The following NECAB2 variants were observed in gnomAD, a reference collection of about 807,000 sequenced individuals.
NECAB2 encodes N-terminal EF-hand calcium binding protein 2, also known as N-terminal EF-hand calcium-binding protein 2.
Under a neutral mutation model 51.9 loss-of-function variants are expected in NECAB2, and 68 were observed. The observed-to-expected ratio is 1.31, with a 90% CI of 1.08 to 1.60. The LOEUF is 1.60. NECAB2 is among the 40% of genes most tolerant of loss of function. The probability of loss-of-function intolerance (pLI) is 0.00; values close to 1 mark genes in which losing one functional copy is unlikely to be tolerated. For synonymous variants in NECAB2, 329 were observed against 203.5 expected, an observed-to-expected ratio of 1.62 and a Z score of -5.25; for missense variants, 854 against 490.3, an observed-to-expected ratio of 1.74 and a Z score of -7.00.
intron 5 of NECAB2, among the ~76,000 whole-genome samples, chr16:83,988,435 G>A (rs2084581454): frequency 6.6e-6 from 1 of 151,430 alleles, no homozygotes; most frequent in Non-Finnish European, 1.5e-5. Flanking sequence ...CTTCCCTTTG[G>A]GAATAAAAAT....
intron 5 of NECAB2, among the ~76,000 whole-genome samples, chr16:83,985,856 A>G (rs948450022): frequency 1.3e-5 from 2 of 152,072 alleles, no homozygotes; most frequent in African/African-American, 2.4e-5. Context: ...CTACCTCATG[A>G]ATGCTTAAGA....
chr16:83,998,632 G>T (rs1378492708), intron 10 of NECAB2, among the ~76,000 whole-genome samples: 1 of 152,228 alleles, frequency 6.6e-6, no homozygotes, highest in Non-Finnish European at 1.5e-5. Flanking sequence ...AAGGGCTCCA[G>T]CTGGGCCTGG....
intron 2 of NECAB2, among the ~76,000 whole-genome samples, chr16:83,975,519 C>T (rs1168957331): frequency 1.3e-5 from 2 of 152,130 alleles, no homozygotes; most frequent in African/African-American, 2.4e-5. Context: ...AAAGGACCCC[C>T]CAGGCTGCCC....
At chr16:84,002,236 C>G in intron 12 of NECAB2, 82 bp from the exon 13 acceptor site, 2 of 1,527,606 alleles carry the variant, frequency 1.3e-6, no homozygotes, top group Non-Finnish European at 1.8e-6. Flanking sequence ...ATCCCCCGAC[C>G]TGTCATTCAA....
intron 9 of NECAB2, among the ~76,000 whole-genome samples, chr16:83,997,924 C>G (rs767403016): frequency 7.4e-4 from 112 of 152,184 alleles, no homozygotes; most frequent in African/African-American, 2.6e-3. Context: ...GTCTCCAGGC[C>G]CTGGAGGCTG....
chr16:84,001,913 C>T lies in NECAB2; in HGVS notation c.1129C>T (p.Pro377Ser), dbSNP rs1448297432. 4 of 1,613,850 alleles carry T rather than the reference C, an allele frequency of 2.5e-6. No homozygotes were observed. The highest frequency in any genetic ancestry group is 4.5e-5 in the East Asian group (2 of 44,878). Residue 377 changes from proline to serine, a missense_variant, in exon 12 of 13, where the codon CCA becomes TCA. Pro to Ser is a moderately conservative substitution (Grantham distance 74, BLOSUM62 -1). Coordinates refer to ENST00000305202, the MANE Select transcript of NECAB2 (RefSeq NM_019065.3). Reference sequence around the variant, plus strand: ...TGAGGCCCTCTCCAGGATCTTGGTGCCAGGTAGGGGGCAAAGGCCTGGAAC... The same window carrying T: ...TGAGGCCCTCTCCAGGATCTTGGTGTCAGGTAGGGGGCAAAGGCCTGGAAC... ...QPEALSRILV[P>S]AAWCTVGRD
In NECAB2 at chr16:83,994,765, C is replaced by T. The variant is rs1463968323; in HGVS notation, c.795+77C>T. 3 of 1,526,008 alleles carry T rather than the reference C, an allele frequency of 2.0e-6. No homozygotes were observed. The African/African-American group carries it at 4.1e-5, about 21-fold the overall frequency. 94.5% of individuals were successfully genotyped at this position (1,526,008 alleles called of 1,614,324 possible). Reference sequence around the variant, plus strand: ...GCAGAGTTAAGCCTGGAGTTCAGGACAAAAGTCTGGGCTGCAGAGGGGCCA... The same window carrying T: ...GCAGAGTTAAGCCTGGAGTTCAGGATAAAAGTCTGGGCTGCAGAGGGGCCA... On this transcript the variant is annotated intron_variant, in intron 8 of 12. Coordinates refer to ENST00000305202, the MANE Select transcript of NECAB2 (RefSeq NM_019065.3).
chr16:84,001,451 C>T (rs143898199), intron 11 of NECAB2, among the ~76,000 whole-genome samples: 7 of 152,266 alleles, frequency 4.6e-5, no homozygotes, highest in Admixed American at 6.5e-5. Context: ...AGTGTCCCCT[C>T]CCTGTCCGTA....
chr16:83,981,101 C>A lies in NECAB2; in HGVS notation c.433C>A (p.Leu145Met), dbSNP rs746692348. ...ASLETLNHSV[L>M]KAMGYTKKVY... Reference sequence around the variant, plus strand: ...CCTGGAGACCTTGAATCACTCTGTCCTGAAGGCCATGGGTTATACCAAGAA... The same window carrying A: ...CCTGGAGACCTTGAATCACTCTGTCATGAAGGCCATGGGTTATACCAAGAA... The change falls in exon 5 of 13, where the codon CTG becomes ATG. Residue 145 changes from leucine to methionine, a missense_variant. Leu to Met is a conservative substitution (Grantham distance 15, BLOSUM62 2). Coordinates refer to ENST00000305202, the MANE Select transcript of NECAB2 (RefSeq NM_019065.3). 6.2e-7 allele frequency: 1 copy of A among 1,614,168 alleles called. No individual in the cohort carries two copies. Among genetic ancestry groups the A allele is most frequent in the South Asian group, 1.1e-5 (1 of 91,090 alleles).
intron 6 of NECAB2, chr16:83,993,571 T>C (rs72793623): frequency 0.079 from 12,173 of 154,094 alleles, 1,120 homozygotes; most frequent in African/African-American, 0.23. Context: ...TGGTCATTCA[T>C]TGAGCATTTT....
At chr16:83,979,686 G>C (rs937309555) in intron 3 of NECAB2, among the ~76,000 whole-genome samples, 2 of 152,014 alleles carry the variant, frequency 1.3e-5, no homozygotes. Context: ...GGGTAGAGGA[G>C]GGGGTGGAGG....
chr16:84,000,401 T>A (rs67889913), intron 10 of NECAB2, among the ~76,000 whole-genome samples: 35,941 of 152,038 alleles, frequency 0.24, 9,139 homozygotes, highest in African/African-American at 0.65. Flanking sequence ...AGTGGTGCAC[T>A]CCTCTAGTCC....
chr16:84,002,536 T>G lies in NECAB2; in HGVS notation c.*190T>G. On this transcript the variant is annotated 3_prime_UTR_variant, in exon 13 of 13. Transcript: ENST00000305202. ...ACCTGAGAAGGCAGAGCAGTGTCTG[T>G]GCTGCCAGGTCCTGGTGAAGCCCAA... 1.4e-6 allele frequency: 1 copy of G among 716,478 alleles called. No homozygotes were observed. Among genetic ancestry groups the G allele is most frequent in the Admixed American group, 2.5e-5 (1 of 39,512 alleles). The allele number at this position is 716,478 out of a possible 1,614,324, so 44.4% of individuals were successfully genotyped here. A position where few individuals can be genotyped will look rare whatever the true frequency, so the allele number is the denominator to read the frequency against.
chr16:84,001,807 C>T lies in NECAB2; in HGVS notation c.1041-18C>T, dbSNP rs755888382. 4 of 1,613,694 alleles carry T rather than the reference C, an allele frequency of 2.5e-6. No homozygotes were observed. The highest frequency in any genetic ancestry group is 1.1e-5 in the South Asian group (1 of 91,062). ...CCACTCCTGCCACCCCTGACTCACA[C>T]ATGTCCCTGCGTCACAGGCACCTGC... is the stretch of plus-strand genomic sequence containing the variant. On this transcript the variant is annotated intron_variant, in intron 11 of 12. Coordinates refer to ENST00000305202, the MANE Select transcript of NECAB2 (RefSeq NM_019065.3).
At chr16:83,994,941 C>A (rs767574120) in intron 8 of NECAB2, among the ~76,000 whole-genome samples, 6 of 152,150 alleles carry the variant, frequency 3.9e-5, no homozygotes, top group Non-Finnish European at 8.8e-5. Flanking sequence ...GGCCTGCAGG[C>A]AGCAGGAGCA....
At chr16:83,999,125 C>A (rs553093708) in intron 10 of NECAB2, among the ~76,000 whole-genome samples, 5 of 152,306 alleles carry the variant, frequency 3.3e-5, no homozygotes, top group African/African-American at 9.6e-5. Context: ...TGAGAGGGGT[C>A]TTCTTGGGCC....
chr16:83,997,154 C>A (rs1297752894), intron 8 of NECAB2, 62 bp from the exon 9 acceptor site: 7 of 1,606,946 alleles, frequency 4.4e-6, no homozygotes, highest in African/African-American at 1.3e-5. Flanking sequence ...CCCAGAGCTC[C>A]TGGCTCCCCG....
At chr16:83,990,183 C>T (rs968539630) in intron 5 of NECAB2, among the ~76,000 whole-genome samples, 15 of 152,320 alleles carry the variant, frequency 9.8e-5, no homozygotes, top group African/African-American at 3.1e-4. Flanking sequence ...GAGCATTGTA[C>T]ACGCATGTTG....
rs545679618 is a variant in NECAB2, at chr16:83,971,994, T to C, written c.202-157T>C. 5 of 979,726 alleles carry C rather than the reference T, an allele frequency of 5.1e-6. No homozygotes were observed. The African/African-American group carries it at 8.2e-5, about 16-fold the overall frequency. The allele number at this position is 979,726 out of a possible 1,614,324, so 60.7% of individuals were successfully genotyped here. ...ACATCCCTCATCAGTTCCCCCTGGATCCCAGCCCGGGGAGGGGGAGAGGGA... is the reference window on the plus strand; with the variant it reads ...ACATCCCTCATCAGTTCCCCCTGGACCCCAGCCCGGGGAGGGGGAGAGGGA... On this transcript the variant is annotated intron_variant, in intron 1 of 12. Transcript: ENST00000305202.
Sources: gnomAD v4.1 joint callset for allele counts (sites outside exome capture counted in the v4.1 genomes callset) on GRCh38, gnomAD v4.1.1 for gene constraint, MANE v1.5 for transcripts, NCBI Gene and HGNC (gene_info 2026-07-23, HGNC 2026-07-21) for gene names.